Variants in SULF2 observed in about 807,000 individuals in gnomAD.
SULF2 encodes sulfatase 2.
A neutral mutation model predicts 107.7 loss-of-function variants in SULF2; 52 were observed. The ratio of observed to expected loss-of-function variants is 0.48; its 90% CI spans 0.39 to 0.61. The LOEUF is 0.61. Among genes scored for constraint, SULF2 ranks in the 20% least tolerant of loss-of-function variants. The probability of loss-of-function intolerance (pLI) is 0.00; values close to 1 mark genes in which losing one functional copy is unlikely to be tolerated. For synonymous variants in SULF2, 460 were observed against 464.3 expected (o/e 0.99, Z 0.12); for missense variants, 993 against 1,177.3 (o/e 0.84, Z 2.29).
At chr20:47,712,568 C>T (rs1160286941) in intron 3 of SULF2, among the ~76,000 whole-genome samples, 3 of 152,214 alleles carry the variant, frequency 2.0e-5, no homozygotes, top group African/African-American at 2.4e-5. Flanking sequence ...GTAGCCCCAG[C>T]GCAGTACCTG....
At chr20:47,775,737 G>C (rs2090713299) in intron 1 of SULF2, among the ~76,000 whole-genome samples, 1 of 152,218 alleles carries the variant, frequency 6.6e-6, no homozygotes, top group East Asian at 1.9e-4. Context: ...TCTAGTGAGG[G>C]CATCACACAC....
At chr20:47,662,185 C>G (rs1435035791) in intron 17 of SULF2, among the ~76,000 whole-genome samples, 2 of 152,182 alleles carry the variant, frequency 1.3e-5, no homozygotes, top group African/African-American at 4.8e-5. Context: ...GGAAACTTCC[C>G]AAGCTTGGAA....
At chr20:47,712,785 G>A (rs1227322875) in intron 3 of SULF2, among the ~76,000 whole-genome samples, 1 of 152,240 alleles carries the variant, frequency 6.6e-6, no homozygotes, top group Middle Eastern at 3.2e-3. Flanking sequence ...TGTAATCCCA[G>A]CACTTTGGGA....
At chr20:47,720,767 G>T (rs374904954) in intron 3 of SULF2, among the ~76,000 whole-genome samples, 1 of 152,130 alleles carries the variant, frequency 6.6e-6, no homozygotes, top group East Asian at 1.9e-4. Context: ...CCTGACACCA[G>T]TAGAAGAGTC....
rs529198004 is a variant in SULF2 at position 47,658,175 on chromosome 20, C to G, written c.*187G>C. On this transcript the variant is annotated 3_prime_UTR_variant, in exon 21 of 21. Coordinates refer to ENST00000688720, the MANE Select transcript of SULF2 (RefSeq NM_001387048.1). ...CAAAAGCAGGGGCAAAAATGGACTTCCTGAAGTTATCTCTGCTCCTGCTGG... is the reference window on the plus strand; with the variant it reads ...CAAAAGCAGGGGCAAAAATGGACTTGCTGAAGTTATCTCTGCTCCTGCTGG... 2 of 641,868 alleles carry G rather than the reference C, an allele frequency of 3.1e-6. No individual in the cohort carries two copies. Among genetic ancestry groups the G allele is most frequent in the East Asian group, 5.5e-5 (2 of 36,612 alleles). The allele number at this position is 641,868 out of a possible 1,614,324, so 39.8% of individuals were successfully genotyped here. A position where few individuals can be genotyped will look rare whatever the true frequency, so the allele number is the denominator to read the frequency against.
intron 2 of SULF2, among the ~76,000 whole-genome samples, chr20:47,744,425 TAAA>T (rs2089959663): frequency 6.6e-6 from 1 of 151,826 alleles, no homozygotes; most frequent in South Asian, 2.1e-4. Context: ...CCTGAATAAA[TAAA>T]AAATAAATAA....
intron 1 of SULF2, among the ~76,000 whole-genome samples, chr20:47,778,295 G>A (rs2090761189): frequency 6.6e-6 from 1 of 152,196 alleles, no homozygotes; most frequent in Non-Finnish European, 1.5e-5. Flanking sequence ...TACTATTTGT[G>A]GTCCCTGGGG....
rs186242422 is a variant in SULF2 at position 47,726,545 on chromosome 20, T to G, written c.415+10158A>C. ...TGTCCAAGAGTCCTTTCTGTGCCAA[T>G]GGAAACATTCTCTATGTGCATTATC... On this transcript the variant is annotated intron_variant, in intron 3 of 20. Coordinates refer to ENST00000688720, the MANE Select transcript of SULF2 (RefSeq NM_001387048.1). Among the ~76,000 whole-genome samples, 40 of 152,338 alleles carry G rather than the reference T, an allele frequency of 2.6e-4. No homozygotes were observed. The East Asian group carries it at 7.1e-3, about 27-fold the overall frequency.
intron 5 of SULF2, among the ~76,000 whole-genome samples, chr20:47,686,992 G>A (rs2088026528): frequency 6.6e-6 from 1 of 152,232 alleles, no homozygotes; most frequent in African/African-American, 2.4e-5. Context: ...GGAACTGAAA[G>A]GGGGCTGCTG....
chr20:47,660,609 TA>T lies in SULF2; in HGVS notation c.2495-880del, dbSNP rs199664204. Among the ~76,000 whole-genome samples the T allele has an allele frequency of 5.1e-3, 781 of 152,102 alleles. 8 individuals carry two copies. Among genetic ancestry groups the T allele is most frequent in the African/African-American group, 0.018 (733 of 41,452 alleles). On this transcript the variant is annotated intron_variant, in intron 18 of 20. Transcript: ENST00000688720. Reference sequence around the variant, plus strand: ...TTAGCTTTGTTTTCTTTTTTTAATATATTTTTTTTATTTTTAGAGATGGGGC... The same window carrying T: ...TTAGCTTTGTTTTCTTTTTTTAATATTTTTTTTTATTTTTAGAGATGGGGC...
chr20:47,731,359 A>G (rs2089607610), intron 3 of SULF2, among the ~76,000 whole-genome samples: 1 of 151,422 alleles, frequency 6.6e-6, no homozygotes, highest in African/African-American at 2.4e-5. Flanking sequence ...TGCCTGGCTA[A>G]TTTTTGTATT....
chr20:47,668,869 T>C (rs955640109), intron 11 of SULF2, among the ~76,000 whole-genome samples: 1 of 152,176 alleles, frequency 6.6e-6, no homozygotes, highest in South Asian at 2.1e-4. Flanking sequence ...CACCTCTCTG[T>C]GACTGGGACT....
chr20:47,753,723 C>T (rs1306757989), intron 2 of SULF2, among the ~76,000 whole-genome samples: 1 of 152,250 alleles, frequency 6.6e-6, no homozygotes, highest in African/African-American at 2.4e-5. Flanking sequence ...TCTCTTGCTC[C>T]AGGCCAGAAC....
chr20:47,663,093 C>A lies in SULF2; in HGVS notation c.2347G>T (p.Asp783Tyr). 1 of 1,614,096 alleles carries A rather than the reference C, an allele frequency of 6.2e-7. No homozygotes were observed. Residue 783 changes from aspartate to tyrosine, a missense_variant, in exon 17 of 21, where the codon GAT becomes TAT. Asp to Tyr is a radical substitution (Grantham distance 160). Transcript: ENST00000688720. ...ACCTGGTAGGGGTCTGTGTTGAGATCAAAGTACTCTAGGAAGCCAGTTGCA... is the reference window on the plus strand; with the variant it reads ...ACCTGGTAGGGGTCTGTGTTGAGATAAAAGTACTCTAGGAAGCCAGTTGCA... Reference protein sequence around the residue: ...EFATGFLEYFDLNTDPYQLMN... With the variant: ...EFATGFLEYFYLNTDPYQLMN...
In SULF2 at chr20:47,712,694, C is replaced by T. The variant is rs374886314; in HGVS notation, c.416-10024G>A. On this transcript the variant is annotated intron_variant, in intron 3 of 20. Coordinates refer to ENST00000688720, the MANE Select transcript of SULF2 (RefSeq NM_001387048.1). ...CGCCCTCTAATGTTAAGCGTCACAC[C>T]CCTCGCCCAGGAGTGCAGGAGAGGT... 5.3e-5 allele frequency among the ~76,000 whole-genome samples: 8 copies of T among 152,170 alleles called. No individual in the cohort carries two copies. The East Asian group carries it at 1.5e-3, about 29-fold the overall frequency.
In SULF2 at chr20:47,736,478, ACTCAAATT is replaced by A. The variant is rs200172240; in HGVS notation, c.415+217_415+224del. On this transcript the variant is annotated intron_variant, in intron 3 of 20. Transcript: ENST00000688720. ...TTGAAAAGACTCACTTTTTTGGGGG[ACTCAAATT>A]CCTTTGACAAGGTCACTTTACATCA... Among the ~76,000 whole-genome samples, 11 of 152,140 alleles carry A rather than the reference ACTCAAATT, an allele frequency of 7.2e-5. No individual in the cohort carries two copies. In the East Asian group the frequency reaches 2.1e-3, roughly 29 times the overall value.
intron 11 of SULF2, among the ~76,000 whole-genome samples, chr20:47,671,410 ACT>A (rs1294963962): frequency 6.6e-6 from 1 of 151,462 alleles, no homozygotes. Flanking sequence ...GGTTCAAGCG[ACT>A]CTGCTGCCAC....
chr20:47,781,574 G>T (rs1252134617), intron 1 of SULF2, among the ~76,000 whole-genome samples: 2 of 152,172 alleles, frequency 1.3e-5, no homozygotes, highest in African/African-American at 4.8e-5. Context: ...AACCAGAGGG[G>T]ATGAGACCCC....
At chr20:47,746,994 A>ATATATATAT (rs1555853891) in intron 2 of SULF2, among the ~76,000 whole-genome samples, 3 of 131,894 alleles carry the variant, frequency 2.3e-5, no homozygotes, top group African/African-American at 8.6e-5. Flanking sequence ...AAAAAAAAAA[A>ATATATATAT]ATATATATAT....
Sources: gnomAD v4.1 joint callset for allele counts (sites outside exome capture counted in the v4.1 genomes callset) on GRCh38, gnomAD v4.1.1 for gene constraint, MANE v1.5 for transcripts, NCBI Gene and HGNC (gene_info 2026-07-23, HGNC 2026-07-21) for gene names.